The following SPTBN4 variants were observed in gnomAD, a reference collection of about 807,000 sequenced individuals.
SPTBN4 encodes spectrin beta chain, non-erythrocytic 4.
In SPTBN4, 96 loss-of-function variants were observed where a neutral mutation model predicts 277.8. That is an observed-to-expected ratio of 0.35 (90% CI 0.29 to 0.41). The LOEUF (loss-of-function observed/expected upper bound fraction) is 0.41. SPTBN4 is among the 10% of genes least tolerant of loss of function. The pLI is 1.00. For synonymous variants in SPTBN4, 1,481 were observed against 1,580.3 expected, an observed-to-expected ratio of 0.94 and a Z score of 1.49; for missense variants, 3,006 against 3,595.7, an observed-to-expected ratio of 0.84 and a Z score of 4.19.
intron 14 of SPTBN4, among the ~76,000 whole-genome samples, chr19:40,514,819 T>G (rs1354688798): frequency 6.6e-6 from 1 of 152,028 alleles, no homozygotes; most frequent in Non-Finnish European, 1.5e-5. Flanking sequence ...AAACATCAGG[T>G]AGAGGCTGGG....
At chr19:40,536,993 C>A (rs2080745325) in intron 20 of SPTBN4, among the ~76,000 whole-genome samples, 1 of 151,632 alleles carries the variant, frequency 6.6e-6, no homozygotes, top group African/African-American at 2.4e-5. Flanking sequence ...GTTGGCCAGT[C>A]TTTATCTCTA....
intron 19 of SPTBN4, among the ~76,000 whole-genome samples, chr19:40,533,433 G>A (rs2080700032): frequency 6.6e-6 from 1 of 152,158 alleles, no homozygotes; most frequent in South Asian, 2.1e-4. Context: ...GACTGAGGTA[G>A]ATATTTGCTC....
chr19:40,556,350 T>C, intron 25 of SPTBN4, 62 bp downstream of exon 25: 1 of 1,451,032 alleles, frequency 6.9e-7, no homozygotes, highest in African/African-American at 1.4e-5. Context: ...GGGCCTTAGT[T>C]TCCTCATCTG....
chr19:40,534,384 A>G, intron 20 of SPTBN4, 41 bp downstream of exon 20: 1 of 1,598,670 alleles, frequency 6.3e-7, no homozygotes, highest in Non-Finnish European at 8.5e-7. Flanking sequence ...CCTATGCCAC[A>G]TGGGGGCCAG....
In SPTBN4 at chr19:40,560,177, G is replaced by A; in HGVS notation, c.5689G>A (p.Gly1897Arg). 12 of 1,598,310 alleles carry A rather than the reference G, an allele frequency of 7.5e-6. No individual in the cohort carries two copies. The highest frequency in any genetic ancestry group is 9.3e-6 in the Non-Finnish European group (11 of 1,177,360). ...LVSQVRQLQEGAAQLRTVYAG... is the reference protein window; with the variant it reads ...LVSQVRQLQERAAQLRTVYAG... ...CCTTCAGGTACGGCAGCTGCAGGAGGGGGCGGCCCAGCTGCGGACGGTGTA... is the reference window on the plus strand; with the variant it reads ...CCTTCAGGTACGGCAGCTGCAGGAGAGGGCGGCCCAGCTGCGGACGGTGTA... Residue 1897 changes from glycine (G) to arginine (R), a missense_variant, in exon 27 of 36, where the codon GGG (glycine) becomes AGG (arginine). Transcript: ENST00000598249. This position sits in a 1 kb window ranked among gnomAD's most constrained non-coding sequence, Gnocchi z 5.2.
At position 40,534,339 on chromosome 19, in the gene SPTBN4, T is replaced by G. The variant is rs1327823514; in HGVS notation, c.4355T>G (p.Leu1452Arg). The change falls in exon 20 of 36, where the codon CTG (leucine) becomes CGG (arginine). Residue 1452 changes from leucine to arginine, a missense_variant. Coordinates refer to ENST00000598249, the MANE Select transcript of SPTBN4 (RefSeq NM_020971.3). ...LATVNSQLKKLQSMESQVEEW... is the reference protein window; with the variant it reads ...LATVNSQLKKRQSMESQVEEW... ...ACTGTCAACAGTCAGCTCAAGAAGCTGCAGGTATGGTCTTCCTGGCCCAGA... is the reference window on the plus strand; with the variant it reads ...ACTGTCAACAGTCAGCTCAAGAAGCGGCAGGTATGGTCTTCCTGGCCCAGA... 6.2e-7 allele frequency: 1 copy of G among 1,613,018 alleles called. No homozygotes were observed. Among genetic ancestry groups the G allele is most frequent in the Non-Finnish European group, 8.5e-7 (1 of 1,179,874 alleles).
intron 20 of SPTBN4, among the ~76,000 whole-genome samples, chr19:40,546,049 C>CAA (rs35750238): frequency 9.7e-4 from 89 of 91,762 alleles, no homozygotes; most frequent in African/African-American, 3.8e-3. Context: ...GACTCTGCCT[C>CAA]AAAAAAAAAA....
At position 40,519,118 on chromosome 19, in the gene SPTBN4, CCACTGAA is replaced by C. The variant is rs1276089073; in HGVS notation, c.2904-278_2904-272del. Reference sequence around the variant, plus strand: ...TCTCTCCTGCCGCCTCTGGAAAACTCCACTGAACACTCGGGAAAGAATGAGAGTGAAA... The same window carrying C: ...TCTCTCCTGCCGCCTCTGGAAAACTCCACTCGGGAAAGAATGAGAGTGAAA... On this transcript the variant is annotated intron_variant, in intron 15 of 35. Transcript: ENST00000598249. This position sits in a 1 kb window ranked among gnomAD's most constrained non-coding sequence, Gnocchi z 5.7. Among the ~76,000 whole-genome samples the C allele has an allele frequency of 1.3e-5, 2 of 152,176 alleles. No individual in the cohort carries two copies. The highest frequency in any genetic ancestry group is 6.5e-5 in the Admixed American group (1 of 15,272).
chr19:40,482,017 A>G (rs894697744), intron 2 of SPTBN4, among the ~76,000 whole-genome samples: 1 of 150,328 alleles, frequency 6.7e-6, no homozygotes, highest in African/African-American at 2.5e-5. Context: ...GCTCACTGCA[A>G]CCTCCGCCTC....
At chr19:40,530,674 T>C (rs372898813) in intron 18 of SPTBN4, 632,454 of 632,824 alleles carry the variant, frequency 1, 316,047 homozygotes, top group Middle Eastern at 1. Context: ...TGCCCGCCCG[T>C]CGTGGCCGCG....
intron 34 of SPTBN4, 40 bp from the exon 35 acceptor site, chr19:40,572,298 C>T: frequency 6.2e-7 from 1 of 1,612,710 alleles, no homozygotes; most frequent in Non-Finnish European, 8.5e-7. Context: ...GGGCTGGGCC[C>T]CTTCCCCAGA....
At chr19:40,533,951 C>G in intron 19 of SPTBN4, 129 bp from the exon 20 acceptor site, 1 of 1,200,634 alleles carries the variant, frequency 8.3e-7, no homozygotes, top group South Asian at 1.5e-5. Context: ...CCCTATGTGT[C>G]TCCCACTCCC....
In SPTBN4 at chr19:40,515,982, CGT is replaced by C. The variant is rs2080453139; in HGVS notation, c.2903+535_2903+536del. Among the ~76,000 whole-genome samples, 1 of 145,112 alleles carries C rather than the reference CGT, an allele frequency of 6.9e-6. No homozygotes were observed. Among genetic ancestry groups the C allele is most frequent in the African/African-American group, 2.6e-5 (1 of 39,204 alleles). ...ATATACGTATATATACACATATATA[CGT>C]ATATATACACATATATACGTATATA... On this transcript the variant is annotated intron_variant, in intron 15 of 35. Transcript: ENST00000598249. The surrounding 1 kb of genome is among the most constrained non-coding windows in gnomAD (Gnocchi z 4.1).
At chr19:40,492,896 G>C (rs1327742936) in intron 4 of SPTBN4, 67 bp from the exon 5 acceptor site, 1 of 1,403,976 alleles carries the variant, frequency 7.1e-7, no homozygotes, top group Non-Finnish European at 1.0e-6. Context: ...GTAGCAGATG[G>C]TGAGTGGGGG....
At position 40,556,069 on chromosome 19, in the gene SPTBN4, C is replaced by T; in HGVS notation, c.5085-15C>T. The T allele has an allele frequency of 1.2e-6, 2 of 1,604,854 alleles. No individual in the cohort carries two copies. Among genetic ancestry groups the T allele is most frequent in the Non-Finnish European group, 1.7e-6 (2 of 1,175,528 alleles). On this transcript the variant is annotated splice_polypyrimidine_tract_variant and intron_variant, in intron 24 of 35. Transcript: ENST00000598249. ...TCTCAGGGGTCCATCCCTGCCCCTC[C>T]ATGTCCCCCTTCAGCGAGCAGATCA...
At chr19:40,570,822 T>C (rs2081148855) in intron 33 of SPTBN4, 94 bp downstream of exon 33, 2 of 1,348,678 alleles carry the variant, frequency 1.5e-6, no homozygotes, top group Non-Finnish European at 9.8e-7. Context: ...GTGGCTCAAC[T>C]TCAGGCCCTC....
chr19:40,528,464 C>T (rs555203875), intron 17 of SPTBN4, among the ~76,000 whole-genome samples: 7 of 152,324 alleles, frequency 4.6e-5, no homozygotes, highest in Admixed American at 1.3e-4. Flanking sequence ...TCTGCGGCCC[C>T]CTGGTCTGTC....
chr19:40,530,646 G>T (rs1417212353), intron 18 of SPTBN4: 57 of 922,238 alleles, frequency 6.2e-5, no homozygotes, highest in Non-Finnish European at 6.8e-5. Context: ...CGCAGACAGG[G>T]GAGGGGGCTC....
In SPTBN4 at chr19:40,513,267, C is replaced by A; in HGVS notation, c.2478C>A (p.Arg826=). The change falls in exon 14 of 36, where the codon CGC becomes CGA. Residue 826 remains arginine (R), a synonymous_variant. Transcript: ENST00000598249. ...TCACCGGGGAGGTGGAGGCACATCG[C>A]GGGCCCGTGAGCGGCCTGCGGCGCC... The part of the protein sequence containing the change: ...RALTGEVEAH[R]GPVSGLRRQL... 1 of 1,529,978 alleles carries A rather than the reference C, an allele frequency of 6.5e-7. No homozygotes were observed. 94.8% of individuals were successfully genotyped at this position (1,529,978 alleles called of 1,614,324 possible). A position where few individuals can be genotyped will look rare whatever the true frequency, so the allele number is the denominator to read the frequency against.
Sources: gnomAD v4.1 joint callset for allele counts (sites outside exome capture counted in the v4.1 genomes callset) on GRCh38, gnomAD v4.1.1 for gene constraint, Gnocchi (gnomAD v3.1) non-coding constraint, MANE v1.5 for transcripts, NCBI Gene and HGNC (gene_info 2026-07-23, HGNC 2026-07-21) for gene names.